AARS1: variants seen among roughly 807,000 people sequenced by gnomAD.
AARS1 encodes alanyl-tRNA synthetase 1, also known as alanine--tRNA ligase, cytoplasmic.
AARS1 carries 72 observed loss-of-function variants against 108.9 expected under a neutral mutation model. The observed-to-expected ratio is 0.66, with a 90% confidence interval of 0.55 to 0.80. The LOEUF is 0.80. Ranked by LOEUF, AARS1 falls within the 30% of genes least tolerant of loss-of-function variation. The pLI is 0.00. For synonymous variants in AARS1, 489 were observed against 465.7 expected (o/e 1.05, Z -0.64); for missense variants, 1,193 against 1,233.2 (o/e 0.97, Z 0.49).
At chr16:70,265,349 C>A (rs1212306401) in intron 10 of AARS1, 189 bp downstream of exon 10, 3 of 1,064,846 alleles carry the variant, frequency 2.8e-6, no homozygotes, top group Admixed American at 4.0e-5. Context: ...TTGTGAAAAT[C>A]AAAAATGTCT....
chr16:70,262,653 A>G, intron 11 of AARS1, 129 bp from the exon 12 acceptor site: 1 of 1,006,612 alleles, frequency 9.9e-7, no homozygotes, highest in Non-Finnish European at 1.4e-6. Flanking sequence ...TGTATTTTGG[A>G]AGCAAACTCA....
Position 70,269,906 on chromosome 16 carries a change from T to C in AARS1, c.817-143A>G, listed in dbSNP as rs192084852. Reference sequence around the variant, plus strand: ...ATCCTATAACCCCAAGAACGTGACATTGGGGAAGTAGAGAGACTCCAGCCA... The same window carrying C: ...ATCCTATAACCCCAAGAACGTGACACTGGGGAAGTAGAGAGACTCCAGCCA... On this transcript the variant is annotated intron_variant, in intron 6 of 20. Transcript: ENST00000261772. 1,844 of 1,161,040 alleles carry C rather than the reference T, an allele frequency of 1.6e-3. 4 individuals carry two copies. Among genetic ancestry groups the C allele is most frequent in the Non-Finnish European group, 1.8e-3 (1,417 of 792,290 alleles). 71.9% of individuals were successfully genotyped at this position (1,161,040 alleles called of 1,614,324 possible).
At chr16:70,256,092 T>C (rs368715219) in intron 15 of AARS1, among the ~76,000 whole-genome samples, 1 of 152,334 alleles carries the variant, frequency 6.6e-6, no homozygotes, top group African/African-American at 2.4e-5. Context: ...TGGTCCCTAA[T>C]ATCCAATACA....
intron 12 of AARS1, 191 bp from the exon 13 acceptor site, chr16:70,261,348 C>A (rs1960126806): frequency 4.4e-6 from 2 of 458,946 alleles, no homozygotes; most frequent in South Asian, 3.9e-5. Context: ...GTAATCCCAG[C>A]ACTTTGGGAG....
chr16:70,261,366 T>C, intron 12 of AARS1: 5 of 420,566 alleles, frequency 1.2e-5, no homozygotes, highest in South Asian at 2.1e-5. Context: ...GAGGCTCAGG[T>C]GAGTAGATCA....
intron 17 of AARS1, 37 bp downstream of exon 17, chr16:70,254,584 C>A (rs749869285): frequency 1.4e-6 from 2 of 1,407,338 alleles, no homozygotes; most frequent in Non-Finnish European, 2.0e-6. Flanking sequence ...TTTCATGCAC[C>A]AGGCCCTGAG....
intron 2 of AARS1, among the ~76,000 whole-genome samples, chr16:70,280,115 C>T (rs1043874436): frequency 6.6e-5 from 10 of 151,968 alleles, no homozygotes; most frequent in African/African-American, 2.2e-4. Context: ...CAGGGTCTTC[C>T]TATGTTGCCC....
chr16:70,267,632 T>C (rs1001620041), intron 9 of AARS1, 27 bp downstream of exon 9: 1 of 1,614,092 alleles, frequency 6.2e-7, no homozygotes, highest in Admixed American at 1.7e-5. Flanking sequence ...ACGGCCAGGA[T>C]GGAGAAGGGC....
intron 2 of AARS1, among the ~76,000 whole-genome samples, chr16:70,279,670 C>CAA (rs367753826): frequency 0.43 from 49,300 of 113,796 alleles, 8,980 homozygotes; most frequent in Non-Finnish European, 0.45. Flanking sequence ...CAAAAAAAAA[C>CAA]AAAAAAAAAA....
chr16:70,261,641 G>C (rs556180509), intron 12 of AARS1, among the ~76,000 whole-genome samples: 7 of 146,506 alleles, frequency 4.8e-5, no homozygotes, highest in Admixed American at 1.4e-4. Context: ...CACACACACA[G>C]ACATAACCAA....
At position 70,254,704 on chromosome 16, in the gene AARS1, A is replaced by G. The variant is rs1959934724; in HGVS notation, c.2317T>C (p.Cys773Arg). The change falls in exon 17 of 21, where the codon TGT becomes CGT. Residue 773 changes from cysteine (C) to arginine (R), a missense_variant. Cys to Arg is a radical substitution (Grantham distance 180). Coordinates refer to ENST00000261772, the MANE Select transcript of AARS1 (RefSeq NM_001605.3). Reference protein sequence around the residue: ...ALRKAESLKKCLSVMEAKVKA... With the variant: ...ALRKAESLKKRLSVMEAKVKA... ...ACTTTGGCTTCCATGACAGAGAGAC[A>G]TTTCTTCAAGCTCTCTGCTTTCCTG... 1 of 1,613,800 alleles carries G rather than the reference A, an allele frequency of 6.2e-7. No individual in the cohort carries two copies. Among genetic ancestry groups the G allele is most frequent in the African/African-American group, 1.3e-5 (1 of 74,912 alleles).
At chr16:70,253,162 C>A in intron 20 of AARS1, 106 bp downstream of exon 20, 1 of 1,039,820 alleles carries the variant, frequency 9.6e-7, no homozygotes, top group Non-Finnish European at 1.5e-6. Flanking sequence ...CAAAGGTAAC[C>A]AACCGGTGGG....
At chr16:70,286,978 G>A (rs922481557) in intron 1 of AARS1, among the ~76,000 whole-genome samples, 6 of 147,518 alleles carry the variant, frequency 4.1e-5, no homozygotes, top group Middle Eastern at 7.3e-3. Flanking sequence ...TAGGCCGGGC[G>A]CGGTGGCTCA....
chr16:70,277,434 T>G (rs1002109269), intron 2 of AARS1, among the ~76,000 whole-genome samples: 1 of 152,066 alleles, frequency 6.6e-6, no homozygotes, highest in African/African-American at 2.4e-5. Flanking sequence ...CAGCCACAGG[T>G]TGATGTGGTA....
intron 9 of AARS1, among the ~76,000 whole-genome samples, chr16:70,267,284 T>C (rs1383597019): frequency 1.3e-5 from 2 of 152,170 alleles, no homozygotes; most frequent in Non-Finnish European, 2.9e-5. Context: ...AAACAGTACA[T>C]ACCAAATATT....
At chr16:70,285,582 T>G (rs1960821063) in intron 1 of AARS1, among the ~76,000 whole-genome samples, 1 of 152,216 alleles carries the variant, frequency 6.6e-6, no homozygotes, top group African/African-American at 2.4e-5. Context: ...CTGGGTAACC[T>G]GGATTACAGG....
intron 16 of AARS1, among the ~76,000 whole-genome samples, chr16:70,255,159 C>T (rs542382424): frequency 6.6e-6 from 1 of 150,794 alleles, no homozygotes; most frequent in South Asian, 2.1e-4. Flanking sequence ...CCCTCCTCCA[C>T]ATGGAGACAG....
At position 70,270,837 on chromosome 16, in the gene AARS1, CAAAAAAAAAAA is replaced by C. The variant is rs1158290824; in HGVS notation, c.672-508_672-498del. Among the ~76,000 whole-genome samples, 12 of 53,460 alleles carry C rather than the reference CAAAAAAAAAAA, an allele frequency of 2.2e-4. No individual in the cohort carries two copies. The East Asian group carries it at 6.3e-3, about 28-fold the overall frequency. 35.1% of individuals were successfully genotyped at this position (53,460 alleles called of 152,430 possible). A position where few individuals can be genotyped will look rare whatever the true frequency, so the allele number is the denominator to read the frequency against. On this transcript the variant is annotated intron_variant, in intron 5 of 20. Transcript: ENST00000261772. Reference sequence around the variant, plus strand: ...GGGCAACAAGAGCAAAACTCCATCTCAAAAAAAAAAAAAAAAAAGAAAAGAAAAAGACTGGG... The same window carrying C: ...GGGCAACAAGAGCAAAACTCCATCTCAAAAAAAGAAAAGAAAAAGACTGGG...
At chr16:70,286,362 ATTTTTTTT>A (rs1000406265) in intron 1 of AARS1, among the ~76,000 whole-genome samples, 5 of 117,106 alleles carry the variant, frequency 4.3e-5, no homozygotes, top group South Asian at 2.6e-4. Flanking sequence ...CTCCACAGGA[ATTTTTTTT>A]TTTTTTTTTT....
Sources: gnomAD v4.1 joint callset for allele counts (sites outside exome capture counted in the v4.1 genomes callset) on GRCh38, gnomAD v4.1.1 for gene constraint, MANE v1.5 for transcripts, NCBI Gene and HGNC (gene_info 2026-07-23, HGNC 2026-07-21) for gene names.